PRKCA: variants seen among roughly 807,000 people sequenced by gnomAD.
PRKCA encodes the protein protein kinase C alpha type.
In PRKCA, 27 loss-of-function variants were observed where a neutral mutation model predicts 87.0. That is an observed-to-expected ratio of 0.31 (90% CI 0.23 to 0.43). PRKCA has a LOEUF of 0.43. Ranked by LOEUF, PRKCA falls within the 20% of genes least tolerant of loss-of-function variation. The pLI is 1.00. For synonymous variants in PRKCA, 329 were observed against 311.1 expected, an observed-to-expected ratio of 1.06 and a Z score of -0.61; for missense variants, 518 against 852.3, an observed-to-expected ratio of 0.61 and a Z score of 4.88.
intron 15 of PRKCA, 76 bp downstream of exon 15, chr17:66,787,050 A>G (rs768876962): frequency 8.8e-7 from 1 of 1,131,062 alleles, no homozygotes; most frequent in South Asian, 1.2e-5. Context: ...CACACTTCTA[A>G]GAGAGATGGC....
intron 2 of PRKCA, among the ~76,000 whole-genome samples, chr17:66,376,964 A>G (rs1300710689): frequency 6.6e-6 from 1 of 152,128 alleles, no homozygotes; most frequent in Non-Finnish European, 1.5e-5. Flanking sequence ...TGTGGCACCA[A>G]ACCACCTCAG....
intron 2 of PRKCA, among the ~76,000 whole-genome samples, chr17:66,366,445 T>C (rs183191267): frequency 6.6e-6 from 1 of 152,334 alleles, no homozygotes; most frequent in Non-Finnish European, 1.5e-5. Flanking sequence ...TGGTCTTATT[T>C]TCAGGGCGTG....
At chr17:66,769,670 C>G (rs944307180) in intron 13 of PRKCA, among the ~76,000 whole-genome samples, 1 of 152,128 alleles carries the variant, frequency 6.6e-6, no homozygotes, top group Non-Finnish European at 1.5e-5. Flanking sequence ...TCTACAAAGA[C>G]TGTGTTGATA....
At chr17:66,509,980 T>G (rs1373742630) in intron 3 of PRKCA, among the ~76,000 whole-genome samples, 3 of 152,212 alleles carry the variant, frequency 2.0e-5, no homozygotes, top group Non-Finnish European at 4.4e-5. Context: ...GTCAAGCTTG[T>G]CCAACCCACC....
Position 66,651,287 on chromosome 17 carries a change from A to G in PRKCA, c.529+5776A>G, listed in dbSNP as rs543956523. ...CTGCAATCATCAGTTTACCAGTTGC[A>G]CAATCCTTAGGAGCCATGCGCACAG... is the stretch of plus-strand genomic sequence containing the variant. On this transcript the variant is annotated intron_variant, in intron 5 of 16. Coordinates refer to ENST00000413366, the MANE Select transcript of PRKCA (RefSeq NM_002737.3). Among the ~76,000 whole-genome samples, 21 of 152,320 alleles carry G rather than the reference A, an allele frequency of 1.4e-4. No homozygotes were observed. In the South Asian group the frequency reaches 3.1e-3, roughly 23 times the overall value.
intron 5 of PRKCA, among the ~76,000 whole-genome samples, chr17:66,682,884 G>A (rs1298995062): frequency 6.6e-6 from 1 of 152,222 alleles, no homozygotes; most frequent in Non-Finnish European, 1.5e-5. Flanking sequence ...CTCGGAATTG[G>A]CATTCCCTCC....
intron 2 of PRKCA, among the ~76,000 whole-genome samples, chr17:66,370,549 C>CTTTTTTTTTTTTTTTTTTTTTTT (rs555797425): frequency 8.8e-6 from 1 of 113,672 alleles, no homozygotes; most frequent in Non-Finnish European, 1.8e-5. Flanking sequence ...CTTTTCTTTT[C>CTTTTTTTTTTTTTTTTTTTTTTT]TTTTTTTTTT....
At chr17:66,483,637 AT>A (rs1476768505) in intron 2 of PRKCA, among the ~76,000 whole-genome samples, 1 of 151,674 alleles carries the variant, frequency 6.6e-6, no homozygotes, top group African/African-American at 2.4e-5. Flanking sequence ...TAATTTTTGT[AT>A]TTTTAGTAGA....
chr17:66,498,924 G>A (rs943925090), intron 3 of PRKCA, among the ~76,000 whole-genome samples: 1 of 152,182 alleles, frequency 6.6e-6, no homozygotes, highest in African/African-American at 2.4e-5. Context: ...AGGATTTTGG[G>A]CACAGGCTTA....
chr17:66,805,085 G>T lies in PRKCA; in HGVS notation c.*1048G>T. On this transcript the variant is annotated 3_prime_UTR_variant, in exon 17 of 17. Coordinates refer to ENST00000413366, the MANE Select transcript of PRKCA (RefSeq NM_002737.3). ...GCTGACTCTAGCATCAGCCTCTACC[G>T]ATTGATTTTCCTCCCTTCTCTAGCC... 1 of 983,302 alleles carries T rather than the reference G, an allele frequency of 1.0e-6. No homozygotes were observed. The highest frequency in any genetic ancestry group is 1.1e-4 in the East Asian group (1 of 8,816). 60.9% of individuals were successfully genotyped at this position (983,302 alleles called of 1,614,324 possible). A position where few individuals can be genotyped will look rare whatever the true frequency, so the allele number is the denominator to read the frequency against.
chr17:66,490,937 A>G (rs918947066), intron 2 of PRKCA, among the ~76,000 whole-genome samples: 3 of 152,200 alleles, frequency 2.0e-5, no homozygotes, highest in Non-Finnish European at 2.9e-5. Flanking sequence ...TCTGAAATAT[A>G]CTTTCGACAA....
intron 2 of PRKCA, among the ~76,000 whole-genome samples, chr17:66,377,479 G>A (rs12937130): frequency 6.7e-6 from 1 of 149,240 alleles, no homozygotes; most frequent in Non-Finnish European, 1.5e-5. Context: ...ATAGATATAC[G>A]TGTATATATA....
At chr17:66,510,569 G>A (rs909214393) in intron 3 of PRKCA, among the ~76,000 whole-genome samples, 11 of 152,124 alleles carry the variant, frequency 7.2e-5, no homozygotes, top group Non-Finnish European at 4.4e-5. Context: ...AACAGCTTAA[G>A]GAATCAATAG....
intron 3 of PRKCA, among the ~76,000 whole-genome samples, chr17:66,612,381 CAAAAAAAAA>C (rs1200272317): frequency 1.1e-5 from 1 of 87,858 alleles, no homozygotes; most frequent in South Asian, 4.5e-4. Flanking sequence ...AAATCTGTCT[CAAAAAAAAA>C]AAAAAAAAAA....
intron 3 of PRKCA, among the ~76,000 whole-genome samples, chr17:66,535,074 T>C (rs117607620): frequency 6.6e-5 from 10 of 152,206 alleles, no homozygotes; most frequent in South Asian, 2.1e-4. Context: ...CCTCAAATTA[T>C]CCCCAAACTC....
intron 2 of PRKCA, among the ~76,000 whole-genome samples, chr17:66,392,841 A>G (rs1910442748): frequency 6.6e-6 from 1 of 152,088 alleles, no homozygotes; most frequent in Non-Finnish European, 1.5e-5. Context: ...TCTACCATAT[A>G]ATGGAGGGTT....
chr17:66,474,117 C>T (rs1388702973), intron 2 of PRKCA, among the ~76,000 whole-genome samples: 1 of 152,144 alleles, frequency 6.6e-6, no homozygotes, highest in Non-Finnish European at 1.5e-5. Context: ...AAGACTATTA[C>T]TCTTATCGTT....
chr17:66,384,872 C>T lies in PRKCA; in HGVS notation c.205+78745C>T, dbSNP rs893092165. On this transcript the variant is annotated intron_variant, in intron 2 of 16. Transcript: ENST00000413366. The stretch of plus-strand genomic sequence containing the variant: ...GTCTCAATCTCCTGACCTCGTGATC[C>T]GCCCCCCTCAGCCTCCCAAAGTGCT... 2.6e-5 allele frequency among the ~76,000 whole-genome samples: 4 copies of T among 152,172 alleles called. No homozygotes were observed. In the East Asian group the frequency reaches 5.8e-4, roughly 22 times the overall value.
chr17:66,313,306 C>G (rs1475371935), intron 2 of PRKCA, among the ~76,000 whole-genome samples: 1 of 152,060 alleles, frequency 6.6e-6, no homozygotes, highest in East Asian at 1.9e-4. Flanking sequence ...GTTTATAATC[C>G]AAAGTTGTGC....
Sources: gnomAD v4.1 joint callset for allele counts (sites outside exome capture counted in the v4.1 genomes callset) on GRCh38, gnomAD v4.1.1 for gene constraint, MANE v1.5 for transcripts, NCBI Gene and HGNC (gene_info 2026-07-23, HGNC 2026-07-21) for gene names.